ZFHX3: variants seen among roughly 807,000 people sequenced by gnomAD.
ZFHX3 encodes the protein zinc finger homeobox protein 3.
A neutral mutation model predicts 279.1 loss-of-function variants in ZFHX3; 42 were observed. That is an observed-to-expected ratio of 0.15 (90% CI 0.12 to 0.19). The LOEUF is 0.19. ZFHX3 is among the 10% of genes least tolerant of loss of function. The pLI is 1.00. For missense variants in ZFHX3, 4,981 were observed against 4,754.0 expected, an observed-to-expected ratio of 1.05 and a Z score of -1.40; for synonymous variants, 2,293 against 1,957.8, an observed-to-expected ratio of 1.17 and a Z score of -4.52.
intron 1 of ZFHX3, among the ~76,000 whole-genome samples, chr16:73,054,785 C>T (rs1043780944): frequency 4.6e-5 from 7 of 152,074 alleles, no homozygotes; most frequent in Non-Finnish European, 5.9e-5. Flanking sequence ...CGCCGTTGCT[C>T]CTCTCTGTAA....
In ZFHX3 at chr16:73,105,434, C is replaced by CACACACATATATATATATAT. The variant is rs1567389911; in HGVS notation, c.-896-11837_-896-11836insATATATATATATATGTGTGT. On this transcript the variant is annotated intron_variant, in intron 7 of 17. Transcript: ENST00000641206. The stretch of plus-strand genomic sequence containing the variant: ...ACACACACACATATATATATATATA[C>CACACACATATATATATATAT]ACACACACACATATATATATATATT... Among the ~76,000 whole-genome samples, 29 of 41,578 alleles carry CACACACATATATATATATAT rather than the reference C, an allele frequency of 7.0e-4. 2 individuals carry two copies. In the East Asian group the frequency reaches 0.011, roughly 16 times the overall value. The allele number at this position is 41,578 out of a possible 152,430, so 27.3% of individuals were successfully genotyped here. A position where few individuals can be genotyped will look rare whatever the true frequency, so the allele number is the denominator to read the frequency against.
At chr16:73,201,832 G>C (rs73597317) in intron 5 of ZFHX3, among the ~76,000 whole-genome samples, 5,150 of 152,286 alleles carry the variant, frequency 0.034, 310 homozygotes, top group African/African-American at 0.12. Context: ...ACCAAACAAA[G>C]AGCTAGAAGC....
At chr16:73,646,391 T>C (rs74030150) in intron 2 of ZFHX3, among the ~76,000 whole-genome samples, 3,026 of 152,254 alleles carry the variant, frequency 0.02, 96 homozygotes, top group African/African-American at 0.069. Flanking sequence ...ATTATTTATA[T>C]TGTATTTCAT....
chr16:72,988,327 C>T (rs1962932931), intron 1 of ZFHX3, among the ~76,000 whole-genome samples: 1 of 152,216 alleles, frequency 6.6e-6, no homozygotes, highest in Non-Finnish European at 1.5e-5. Context: ...AGCTACTCTT[C>T]CCGCTCCCAC....
intron 1 of ZFHX3, among the ~76,000 whole-genome samples, chr16:73,692,554 C>T (rs2053159679): frequency 6.6e-6 from 1 of 152,110 alleles, no homozygotes; most frequent in African/African-American, 2.4e-5. Flanking sequence ...CAAAGGTTGC[C>T]TCTGTATATT....
intron 8 of ZFHX3, among the ~76,000 whole-genome samples, chr16:73,081,859 C>T (rs544364219): frequency 6.7e-5 from 9 of 135,286 alleles, no homozygotes; most frequent in South Asian, 2.4e-4. Flanking sequence ...TTTTTTGAGA[C>T]GGAGTCTCAC....
At chr16:73,118,098 C>T (rs111459051) in intron 7 of ZFHX3, among the ~76,000 whole-genome samples, 29 of 152,376 alleles carry the variant, frequency 1.9e-4, no homozygotes, top group African/African-American at 6.5e-4. Context: ...TTCCCATTGC[C>T]TTCCTCAGAG....
chr16:72,839,377 A>G (rs2037286579), intron 4 of ZFHX3, among the ~76,000 whole-genome samples: 3 of 152,172 alleles, frequency 2.0e-5, no homozygotes. Context: ...CATTTTGACA[A>G]GTTCCTTTCT....
At chr16:73,701,039 T>A (rs1324550516) in intron 1 of ZFHX3, among the ~76,000 whole-genome samples, 1 of 152,228 alleles carries the variant, frequency 6.6e-6, no homozygotes. Context: ...ACGAGTTTTA[T>A]TCTGCAGCTT....
At chr16:73,865,854 A>G (rs1056045508) in intron 1 of ZFHX3, among the ~76,000 whole-genome samples, 3 of 151,742 alleles carry the variant, frequency 2.0e-5, no homozygotes, top group African/African-American at 7.2e-5. Flanking sequence ...GTGTGGTGGC[A>G]GGCACCTGTA....
At chr16:72,863,235 G>A (rs1279955265) in intron 4 of ZFHX3, among the ~76,000 whole-genome samples, 1 of 151,186 alleles carries the variant, frequency 6.6e-6, no homozygotes, top group Admixed American at 6.6e-5. Context: ...AGGCATGGTG[G>A]CTCACACCTG....
intron 1 of ZFHX3, among the ~76,000 whole-genome samples, chr16:73,779,772 C>A (rs1256769619): frequency 6.6e-6 from 1 of 152,102 alleles, no homozygotes; most frequent in Non-Finnish European, 1.5e-5. Flanking sequence ...GGTTGGAGGG[C>A]AATAGCGCAA....
intron 4 of ZFHX3, among the ~76,000 whole-genome samples, chr16:72,859,579 C>T (rs1223198431): frequency 1.3e-5 from 2 of 152,140 alleles, no homozygotes; most frequent in African/African-American, 2.4e-5. Flanking sequence ...GAAATAAAGA[C>T]GTTTAGGGAT....
At chr16:73,847,318 A>G (rs2142375777) in intron 1 of ZFHX3, among the ~76,000 whole-genome samples, 1 of 152,254 alleles carries the variant, frequency 6.6e-6, no homozygotes, top group East Asian at 1.9e-4. Context: ...AAAAGCCCTT[A>G]AGGATGACAC....
Position 73,024,131 on chromosome 16 carries a change from T to TA in ZFHX3, c.-50+23620dup, listed in dbSNP as rs1340172581. On this transcript the variant is annotated intron_variant, in intron 1 of 9. Transcript: ENST00000268489. ...CGAATCAAGGTCACTGGAGACAAGGTAAAGTCCACAGAGCCCCCTCATCTC... is the reference window on the plus strand; with the variant it reads ...CGAATCAAGGTCACTGGAGACAAGGTAAAAGTCCACAGAGCCCCCTCATCTC... Among the ~76,000 whole-genome samples the TA allele has an allele frequency of 5.9e-5, 9 of 152,244 alleles. No homozygotes were observed. In the South Asian group the frequency reaches 1.9e-3, roughly 32 times the overall value.
chr16:73,800,585 G>C (rs1012726079), intron 1 of ZFHX3, among the ~76,000 whole-genome samples: 1 of 151,826 alleles, frequency 6.6e-6, no homozygotes, highest in East Asian at 1.9e-4. Context: ...CTTTCCCCCT[G>C]TTCTGAAGCT....
At chr16:73,874,331 C>A (rs1200228254) in intron 1 of ZFHX3, among the ~76,000 whole-genome samples, 3 of 152,116 alleles carry the variant, frequency 2.0e-5, no homozygotes, top group Non-Finnish European at 4.4e-5. Flanking sequence ...AAATTTGGGT[C>A]TGGTGGAAGA....
intron 4 of ZFHX3, among the ~76,000 whole-genome samples, chr16:72,864,041 C>T (rs1029741895): frequency 2.0e-5 from 3 of 151,838 alleles, no homozygotes; most frequent in South Asian, 2.1e-4. Flanking sequence ...GGCGTGAACC[C>T]GGGAGGCAGA....
chr16:73,830,800 T>C (rs548278103), intron 1 of ZFHX3, among the ~76,000 whole-genome samples: 1 of 152,370 alleles, frequency 6.6e-6, no homozygotes, highest in African/African-American at 2.4e-5. Flanking sequence ...GGATGCCAAA[T>C]TTCTTTTAAA....
Sources: allele counts gnomAD v4.1 joint callset (sites outside exome capture counted in the v4.1 genomes callset), GRCh38; gene constraint gnomAD v4.1.1; transcripts MANE v1.5; gene names NCBI Gene and HGNC (gene_info 2026-07-23, HGNC 2026-07-21).